Variants in TOP6BL observed in about 807,000 individuals in gnomAD.
TOP6BL encodes TOP6B like initiator of meiotic double strand breaks, also known as type 2 DNA topoisomerase 6 subunit B-like.
At chr11:66,833,549 T>C in the TOP6BL span, among the ~76,000 whole-genome samples, 1 of 152,120 alleles carries the variant, frequency 6.6e-6, no homozygotes, top group Non-Finnish European at 1.5e-5. Context: ...GCTGTTATCA[T>C]AGGACCCAGG....
the TOP6BL span, among the ~76,000 whole-genome samples, chr11:66,764,274 A>G: frequency 6.6e-6 from 1 of 152,072 alleles, no homozygotes; most frequent in Non-Finnish European, 1.5e-5. Flanking sequence ...TCATTTTTGA[A>G]TTATTGTCTT....
the TOP6BL span, chr11:66,771,616 A>G: frequency 6.5e-6 from 1 of 154,524 alleles, no homozygotes; most frequent in Admixed American, 6.5e-5. Flanking sequence ...GCCTACAGAT[A>G]CAAATTGACC....
the TOP6BL span, among the ~76,000 whole-genome samples, chr11:66,764,630 A>G: frequency 6.0e-5 from 9 of 149,800 alleles, no homozygotes; most frequent in South Asian, 2.1e-4. Flanking sequence ...ATGCCACTGC[A>G]CTCCAGCTCG....
chr11:66,748,727 A>T, the TOP6BL span, among the ~76,000 whole-genome samples: 2 of 152,130 alleles, frequency 1.3e-5, no homozygotes, highest in Non-Finnish European at 2.9e-5. Flanking sequence ...CTTACCATAG[A>T]TTATTTATTT....
At chr11:66,797,447 G>A in the TOP6BL span, among the ~76,000 whole-genome samples, 13 of 152,068 alleles carry the variant, frequency 8.5e-5, no homozygotes, top group Non-Finnish European at 1.5e-4. Context: ...TTTTGTTAAA[G>A]CTAGATAATA....
the TOP6BL span, among the ~76,000 whole-genome samples, chr11:66,772,046 T>C: frequency 6.6e-6 from 1 of 152,160 alleles, no homozygotes; most frequent in Non-Finnish European, 1.5e-5. Context: ...AGAGCATTCG[T>C]CATTCATAGG....
chr11:66,778,340 A>G, the TOP6BL span, among the ~76,000 whole-genome samples: 2 of 152,152 alleles, frequency 1.3e-5, no homozygotes, highest in Non-Finnish European at 2.9e-5. Flanking sequence ...TCAGTTGGCT[A>G]TGGAAAGATA....
At chr11:66,829,435 T>C in the TOP6BL span, among the ~76,000 whole-genome samples, 1 of 151,662 alleles carries the variant, frequency 6.6e-6, no homozygotes, top group Non-Finnish European at 1.5e-5. Context: ...CATTAGCCGG[T>C]GTGGCGACAT....
the TOP6BL span, chr11:66,843,361 C>A: frequency 3.5e-6 from 5 of 1,426,828 alleles, no homozygotes; most frequent in South Asian, 1.4e-5. Context: ...CGGGCCCGGG[C>A]GGGGCGGGGC....
the TOP6BL span, chr11:66,796,445 C>A: frequency 9.6e-7 from 1 of 1,039,476 alleles, no homozygotes. Context: ...AGGACATGGA[C>A]AGATGTGATT....
the TOP6BL span, among the ~76,000 whole-genome samples, chr11:66,807,598 T>C: frequency 2.0e-5 from 3 of 151,820 alleles, no homozygotes; most frequent in African/African-American, 4.8e-5. Context: ...AACAAAAAAA[T>C]CATAAAAGCA....
At chr11:66,808,947 TGTGTGTGTGC>T in the TOP6BL span, among the ~76,000 whole-genome samples, 1 of 152,138 alleles carries the variant, frequency 6.6e-6, no homozygotes, top group Non-Finnish European at 1.5e-5. Context: ...CAGATTTGTG[TGTGTGTGTGC>T]GTGTGTGTGA....
the TOP6BL span, among the ~76,000 whole-genome samples, chr11:66,765,288 G>A: frequency 6.6e-6 from 1 of 152,168 alleles, no homozygotes; most frequent in Admixed American, 6.5e-5. Flanking sequence ...TAATTTAACT[G>A]TTACTTTAAA....
chr11:66,796,418 A>C, the TOP6BL span: 17 of 1,378,696 alleles, frequency 1.2e-5, no homozygotes, highest in Non-Finnish European at 1.7e-5. Context: ...ATTGTTTTCC[A>C]GAGACCTTTA....
chr11:66,781,117 T>C, the TOP6BL span, among the ~76,000 whole-genome samples: 49 of 152,162 alleles, frequency 3.2e-4, no homozygotes, highest in Non-Finnish European at 6.2e-4. Flanking sequence ...TTGTTCATGG[T>C]TTTTTGATGT....
chr11:66,828,654 A>G, the TOP6BL span: 11 of 282,798 alleles, frequency 3.9e-5, no homozygotes, highest in Admixed American at 2.8e-4. Flanking sequence ...CATCTTGTCC[A>G]GAAGACACTG....
the TOP6BL span, chr11:66,800,620 A>G: frequency 6.3e-7 from 1 of 1,577,750 alleles, no homozygotes; most frequent in Non-Finnish European, 8.6e-7. Flanking sequence ...TAAATCTCAC[A>G]CTTAACTTAT....
the TOP6BL span, among the ~76,000 whole-genome samples, chr11:66,799,869 T>C: frequency 6.6e-6 from 1 of 151,518 alleles, no homozygotes; most frequent in Non-Finnish European, 1.5e-5. Context: ...CACTTGACCT[T>C]GGGAGTTCAA....
At chr11:66,822,487 T>C in the TOP6BL span, 1 of 892,146 alleles carries the variant, frequency 1.1e-6, no homozygotes, top group East Asian at 2.7e-5. Flanking sequence ...CTGATGGAAA[T>C]GTGTGGGCCC....
Sources: gnomAD v4.1 joint callset for allele counts (sites outside exome capture counted in the v4.1 genomes callset) on GRCh38, gnomAD v4.1.1 for gene constraint, MANE v1.5 for transcripts, NCBI Gene and HGNC (gene_info 2026-07-23, HGNC 2026-07-21) for gene names.